The following HTR1F variants were observed in gnomAD, a reference collection of about 807,000 sequenced individuals.
The protein encoded by HTR1F is 5-hydroxytryptamine receptor 1F, also known as 5-hydroxytryptamine (serotonin) receptor 1F, G protein-coupled.
HTR1F carries 17 observed loss-of-function variants against 24.0 expected under a neutral mutation model. The observed-to-expected ratio is 0.71, with a 90% confidence interval of 0.48 to 1.06. The LOEUF (loss-of-function observed/expected upper bound fraction) is 1.06. Among genes scored for constraint, HTR1F ranks in the 50% least tolerant of loss-of-function variants. The pLI, the probability that HTR1F is intolerant of heterozygous loss-of-function variation, is 0.00. For missense variants in HTR1F, 391 were observed against 427.8 expected, an observed-to-expected ratio of 0.91 and a Z score of 0.76; for synonymous variants, 186 against 156.8, an observed-to-expected ratio of 1.19 and a Z score of -1.39.
chr3:87,863,096 G>A (rs568642544), intron 2 of HTR1F, among the ~76,000 whole-genome samples: 1 of 152,144 alleles, frequency 6.6e-6, no homozygotes, highest in Non-Finnish European at 1.5e-5. Flanking sequence ...GATTACAGGC[G>A]TGAGCCACTG....
chr3:87,943,762 A>G (rs191497383), intron 2 of HTR1F, among the ~76,000 whole-genome samples: 42 of 152,322 alleles, frequency 2.8e-4, no homozygotes, highest in Admixed American at 2.4e-3. Context: ...GTTATAATTT[A>G]TACTTCCCTC....
chr3:87,880,280 GT>G (rs1336062903), intron 2 of HTR1F, among the ~76,000 whole-genome samples: 2 of 152,066 alleles, frequency 1.3e-5, no homozygotes, highest in African/African-American at 4.8e-5. Flanking sequence ...TCTTTTAAAA[GT>G]ATCAAATTGT....
chr3:87,976,005 C>T (rs1705388121), intron 2 of HTR1F, among the ~76,000 whole-genome samples: 3 of 152,088 alleles, frequency 2.0e-5, no homozygotes, highest in Non-Finnish European at 2.9e-5. Context: ...CATGAGTGCC[C>T]GATAAATGTC....
chr3:87,802,590 C>G (rs1164019408), intron 1 of HTR1F, among the ~76,000 whole-genome samples: 1 of 152,000 alleles, frequency 6.6e-6, no homozygotes, highest in Non-Finnish European at 1.5e-5. Context: ...TAGCAGTCCT[C>G]CTGCCTCAGC....
intron 1 of HTR1F, among the ~76,000 whole-genome samples, chr3:87,813,932 TC>T (rs1158204306): frequency 6.6e-6 from 1 of 152,168 alleles, no homozygotes; most frequent in East Asian, 1.9e-4. Context: ...CTTTTTTTTT[TC>T]TTTTTAACAA....
At chr3:87,855,481 C>T (rs1410256543) in intron 2 of HTR1F, among the ~76,000 whole-genome samples, 2 of 151,568 alleles carry the variant, frequency 1.3e-5, no homozygotes, top group South Asian at 2.1e-4. Context: ...TTTTCTGTAA[C>T]TCCCCCAGCA....
chr3:87,822,771 A>T (rs1211603172), intron 2 of HTR1F, among the ~76,000 whole-genome samples: 3 of 152,204 alleles, frequency 2.0e-5, no homozygotes, highest in Admixed American at 2.0e-4. Flanking sequence ...GTTGCCTCTG[A>T]TTATATGTGT....
In HTR1F at chr3:87,806,723, C is replaced by T. The variant is rs111332361; in HGVS notation, c.-160+13881C>T. ...ACTCAGCCATAATCTTTTCCTAAAC[C>T]AATGTCCTGAAGTGTTTTCCCTGTT... On this transcript the variant is annotated intron_variant, in intron 1 of 2. Transcript: ENST00000319595. Among the ~76,000 whole-genome samples the T allele has an allele frequency of 6.8e-3, 1,040 of 152,068 alleles. 19 individuals are homozygous for T. Among genetic ancestry groups the T allele is most frequent in the African/African-American group, 0.024 (993 of 41,522 alleles).
intron 2 of HTR1F, among the ~76,000 whole-genome samples, chr3:87,922,567 C>A (rs1252054567): frequency 1.3e-5 from 2 of 151,816 alleles, no homozygotes; most frequent in East Asian, 1.9e-4. Context: ...CTTTTAAGAT[C>A]TTATTTATAA....
At chr3:87,902,102 T>C (rs1442234473) in intron 2 of HTR1F, among the ~76,000 whole-genome samples, 1 of 152,090 alleles carries the variant, frequency 6.6e-6, no homozygotes, top group Non-Finnish European at 1.5e-5. Flanking sequence ...GATTCTAAAA[T>C]TTATATATAA....
At chr3:87,897,117 T>C (rs766541365) in intron 2 of HTR1F, among the ~76,000 whole-genome samples, 2 of 151,860 alleles carry the variant, frequency 1.3e-5, no homozygotes, top group Non-Finnish European at 1.5e-5. Context: ...CCCGTGTTCA[T>C]TGCAACATTA....
chr3:87,958,891 A>AACC (rs766651425), intron 2 of HTR1F, among the ~76,000 whole-genome samples: 13 of 151,346 alleles, frequency 8.6e-5, no homozygotes, highest in African/African-American at 2.4e-4. Flanking sequence ...CCACTTTCTC[A>AACC]ACCACCACCA....
At chr3:87,932,447 G>A (rs1254054588) in intron 2 of HTR1F, among the ~76,000 whole-genome samples, 1 of 152,098 alleles carries the variant, frequency 6.6e-6, no homozygotes, top group East Asian at 1.9e-4. Flanking sequence ...GGTTACTGTA[G>A]CCTTGTAGTA....
intron 2 of HTR1F, among the ~76,000 whole-genome samples, chr3:87,949,145 T>C (rs1704778856): frequency 6.6e-6 from 1 of 152,088 alleles, no homozygotes. Flanking sequence ...GCCAAAAGAG[T>C]TTGTATATAC....
intron 2 of HTR1F, among the ~76,000 whole-genome samples, chr3:87,973,989 A>G (rs1162575236): frequency 6.6e-6 from 1 of 152,216 alleles, no homozygotes; most frequent in Non-Finnish European, 1.5e-5. Flanking sequence ...GGAATTACAC[A>G]TGACCAGCAC....
intron 2 of HTR1F, among the ~76,000 whole-genome samples, chr3:87,910,692 C>T (rs1270970381): frequency 6.6e-6 from 1 of 152,022 alleles, no homozygotes; most frequent in Non-Finnish European, 1.5e-5. Context: ...CTATATGGCC[C>T]ATACTCTAAA....
At chr3:87,964,124 C>T (rs1472487262) in intron 2 of HTR1F, among the ~76,000 whole-genome samples, 2 of 152,140 alleles carry the variant, frequency 1.3e-5, no homozygotes, top group South Asian at 2.1e-4. Context: ...CTGCCGGGTG[C>T]TTTAACTCAA....
chr3:87,953,750 C>A (rs531461383), intron 2 of HTR1F, among the ~76,000 whole-genome samples: 12 of 151,874 alleles, frequency 7.9e-5, no homozygotes, highest in African/African-American at 2.4e-4. Context: ...ATTAATGCAA[C>A]GCTATTCACA....
At chr3:87,970,485 T>C (rs1273291829) in intron 2 of HTR1F, among the ~76,000 whole-genome samples, 1 of 152,166 alleles carries the variant, frequency 6.6e-6, no homozygotes, top group African/African-American at 2.4e-5. Context: ...GAAATACAAA[T>C]GTTTCCCTGA....
Sources: gnomAD v4.1 joint callset for allele counts (sites outside exome capture counted in the v4.1 genomes callset) on GRCh38, gnomAD v4.1.1 for gene constraint, MANE v1.5 for transcripts, NCBI Gene and HGNC (gene_info 2026-07-23, HGNC 2026-07-21) for gene names.